Variants in COA1 observed in about 807,000 individuals in gnomAD.
COA1 encodes the protein cytochrome c oxidase assembly factor 1 homolog.
A neutral mutation model predicts 16.0 loss-of-function variants in COA1; 13 were observed. That is an observed-to-expected ratio of 0.81 (90% CI 0.53 to 1.29). The LOEUF is 1.29. COA1 is among the 50% of genes most tolerant of loss of function. The pLI is 0.00. For missense variants in COA1, 179 were observed against 177.0 expected (o/e 1.01, Z -0.06); for synonymous variants, 65 against 65.7 (o/e 0.99, Z 0.05).
chr7:43,616,043 A>G (rs2083310338), intron 6 of COA1, among the ~76,000 whole-genome samples: 1 of 152,116 alleles, frequency 6.6e-6, no homozygotes, highest in South Asian at 2.1e-4. Context: ...AGGGCTCCAA[A>G]AGAGAGGACT....
chr7:43,637,455 T>C (rs1188609758), downstream of COA1, among the ~76,000 whole-genome samples: 3 of 152,220 alleles, frequency 2.0e-5, no homozygotes, highest in African/African-American at 4.8e-5. Context: ...TGTCTCTTTA[T>C]GGGATGTACT....
intron 1 of COA1, among the ~76,000 whole-genome samples, chr7:43,674,641 G>T (rs1185196722): frequency 6.6e-6 from 1 of 152,178 alleles, no homozygotes; most frequent in African/African-American, 2.4e-5. Context: ...CATAATTTTA[G>T]TCTGATGTAA....
intron 1 of COA1, among the ~76,000 whole-genome samples, chr7:43,658,244 C>T (rs1222619871): frequency 6.6e-6 from 1 of 151,020 alleles, no homozygotes; most frequent in East Asian, 2.0e-4. Context: ...AGCATGGTGG[C>T]GGGCACCGGG....
At chr7:43,724,928 G>GT (rs1291318394) in intron 1 of COA1, among the ~76,000 whole-genome samples, 2 of 152,190 alleles carry the variant, frequency 1.3e-5, no homozygotes, top group Non-Finnish European at 2.9e-5. Flanking sequence ...CATTTAATGG[G>GT]TGCAGTGTGT....
At chr7:43,645,167 T>C in intron 4 of COA1, 84 bp downstream of exon 4, 1 of 1,355,032 alleles carries the variant, frequency 7.4e-7, no homozygotes, top group Non-Finnish European at 9.9e-7. Flanking sequence ...CCCAAATCCT[T>C]AACTCCAGGA....
chr7:43,623,207 T>TG (rs1417713809), intron 6 of COA1: 2 of 189,158 alleles, frequency 1.1e-5, no homozygotes, highest in Non-Finnish European at 2.1e-5. Flanking sequence ...CGGGTGAGGG[T>TG]GGGGCAATGG....
chr7:43,657,786 T>C (rs1044890668), intron 1 of COA1, among the ~76,000 whole-genome samples: 1 of 152,052 alleles, frequency 6.6e-6, no homozygotes, highest in Non-Finnish European at 1.5e-5. Context: ...ACCCAAAATA[T>C]GCAAAGAACT....
intron 1 of COA1, among the ~76,000 whole-genome samples, chr7:43,721,333 G>T (rs1001897207): frequency 6.6e-6 from 1 of 152,184 alleles, no homozygotes; most frequent in African/African-American, 2.4e-5. Context: ...AAAATGTACA[G>T]CAATTATCGT....
chr7:43,630,003 GGCCTGTGCT>G (rs1259112621), intron 6 of COA1, among the ~76,000 whole-genome samples: 1 of 152,188 alleles, frequency 6.6e-6, no homozygotes, highest in Non-Finnish European at 1.5e-5. Context: ...AGCATACTGT[GGCCTGTGCT>G]GCCTGTTTGG....
chr7:43,640,932 G>A, intron 4 of COA1: 1 of 317,728 alleles, frequency 3.1e-6, no homozygotes, highest in South Asian at 4.9e-5. Flanking sequence ...AAAGTCCACT[G>A]TTAAAAAGGA....
intron 1 of COA1, among the ~76,000 whole-genome samples, chr7:43,680,744 G>C (rs1334343677): frequency 6.6e-6 from 1 of 152,210 alleles, no homozygotes. Flanking sequence ...AGAGGCAGGA[G>C]AATCACTTGA....
At chr7:43,614,224 C>T (rs894633466) in intron 6 of COA1, among the ~76,000 whole-genome samples, 2 of 152,164 alleles carry the variant, frequency 1.3e-5, no homozygotes, top group Non-Finnish European at 2.9e-5. Context: ...GATGAAGATA[C>T]CGAGATAAAT....
At chr7:43,646,625 C>T (rs970135) in intron 3 of COA1, 74,516 of 456,342 alleles carry the variant, frequency 0.16, 7,245 homozygotes, top group Non-Finnish European at 0.21. Context: ...AACCCTGACC[C>T]AAAAGTGCAC....
At chr7:43,727,117 A>T (rs1176076479) in intron 1 of COA1, among the ~76,000 whole-genome samples, 2 of 152,228 alleles carry the variant, frequency 1.3e-5, no homozygotes, top group African/African-American at 4.8e-5. Context: ...GTAGTCCCTA[A>T]ATATGTACAA....
chr7:43,717,624 A>G (rs1304376024), intron 1 of COA1, among the ~76,000 whole-genome samples: 1 of 152,060 alleles, frequency 6.6e-6, no homozygotes, highest in Non-Finnish European at 1.5e-5. Context: ...AAATGAGTTA[A>G]GATTTTGGGG....
rs542334127 is a variant in COA1, at chr7:43,729,295, C to G, written c.-39+134G>C. ...GCCGCGACCCGGCGCCGGCGCGAAC[C>G]TCCGCGATGTGACCCGTGAGGGAAC... On this transcript the variant is annotated intron_variant, in intron 1 of 5. Coordinates refer to ENST00000223336, the MANE Select transcript of COA1 (RefSeq NM_018224.4). The G allele has an allele frequency of 2.6e-5, 4 of 152,442 alleles. No individual in the cohort carries two copies. In the South Asian group the frequency reaches 8.3e-4, roughly 32 times the overall value. The allele number at this position is 152,442 out of a possible 1,614,324, so 9.4% of individuals were successfully genotyped here. A position where few individuals can be genotyped will look rare whatever the true frequency, so the allele number is the denominator to read the frequency against.
chr7:43,659,599 GA>G (rs953817635), intron 1 of COA1, among the ~76,000 whole-genome samples: 1 of 151,950 alleles, frequency 6.6e-6, no homozygotes, highest in Non-Finnish European at 1.5e-5. Context: ...CTCCATTTTA[GA>G]AAAAAACATT....
At chr7:43,691,408 GAAGGAAGAAAGAAAAAGA>G (rs1563384972) in intron 1 of COA1, among the ~76,000 whole-genome samples, 3 of 99,292 alleles carry the variant, frequency 3.0e-5, no homozygotes, top group African/African-American at 1.2e-4. Context: ...AGGAAGGAAG[GAAGGAAGAAAGAAAAAGA>G]AAGAAAGAAA....
chr7:43,625,558 C>CA (rs1167574860), intron 6 of COA1: 2 of 152,226 alleles, frequency 1.3e-5, no homozygotes, highest in African/African-American at 4.8e-5. Flanking sequence ...TCCCTCATCA[C>CA]ACCACACTCA....
Sources: allele counts gnomAD v4.1 joint callset (sites outside exome capture counted in the v4.1 genomes callset), GRCh38; gene constraint gnomAD v4.1.1; transcripts MANE v1.5; gene names NCBI Gene and HGNC (gene_info 2026-07-23, HGNC 2026-07-21).